The following MXRA8 variants were observed in gnomAD, a reference collection of about 807,000 sequenced individuals.
MXRA8 encodes the protein matrix remodeling associated 8, also known as matrix remodeling-associated protein 8.
In MXRA8, 44 loss-of-function variants were observed where a neutral mutation model predicts 51.4. The ratio of observed to expected loss-of-function variants is 0.86; its 90% confidence interval spans 0.67 to 1.10. The LOEUF (loss-of-function observed/expected upper bound fraction) is 1.10, where lower values mean the gene tolerates loss of function less well. MXRA8 is among the 50% of genes least tolerant of loss of function. The pLI is 0.00. For synonymous variants in MXRA8, 369 were observed against 293.5 expected (o/e 1.26, Z -2.63); for missense variants, 765 against 638.9 (o/e 1.20, Z -2.13).
Position 1,353,876 on chromosome 1 carries a change from C to T in MXRA8, c.1275G>A (p.Leu425=). 1 of 1,605,894 alleles carries T rather than the reference C, an allele frequency of 6.2e-7. No homozygotes were observed. The highest frequency in any genetic ancestry group is 1.1e-5 in the South Asian group (1 of 89,884). Residue 425 remains leucine, a synonymous_variant, in exon 9 of 10, where the codon CTG becomes CTA. Coordinates refer to ENST00000309212, the MANE Select transcript of MXRA8 (RefSeq NM_032348.4). ...TGTCTAGGTCGATGTACTTGGCAGG[C>T]AGGGGGCTGTGGGCCAGCTCCGCCC... ...KERAELAHSP[L]PAKYIDLDKG... is the part of the protein sequence containing the mutation.
chr1:1,354,571 GCCACGGCCCCCGCTGGGAT>G (rs1644078588), intron 5 of MXRA8, 62 bp from the exon 6 acceptor site: 1 of 1,576,696 alleles, frequency 6.3e-7, no homozygotes, highest in South Asian at 1.2e-5. Context: ...CCCGACCCGG[GCCACGGCCCCCGCTGGGAT>G]CCGCGGGCCT....
At chr1:1,361,282 A>G, upstream of MXRA8, 2 of 703,498 alleles carry the variant, frequency 2.8e-6, no homozygotes, top group South Asian at 1.5e-5. Flanking sequence ...GAAGAGTCCC[A>G]CTTCCTGTCG....
At chr1:1,356,456 G>A (rs1331263744) in intron 2 of MXRA8, among the ~76,000 whole-genome samples, 7 of 148,726 alleles carry the variant, frequency 4.7e-5, no homozygotes, top group African/African-American at 7.5e-5. Context: ...GTGGGTGTGC[G>A]GGAGTCTGTG....
upstream of MXRA8, chr1:1,359,594 C>T (rs1393161517): frequency 2.0e-6 from 2 of 984,808 alleles, no homozygotes; most frequent in Admixed American, 6.1e-5. Context: ...GTGCCCAAGT[C>T]CTCAGACAGT....
chr1:1,353,834 C>T lies in MXRA8; in HGVS notation c.1303+14G>A, dbSNP rs1438324905. The T allele has an allele frequency of 2.6e-6, 4 of 1,564,186 alleles. No homozygotes were observed. Among genetic ancestry groups the T allele is most frequent in the Non-Finnish European group, 3.5e-6 (4 of 1,153,870 alleles). On this transcript the variant is annotated intron_variant, in intron 9 of 9. Transcript: ENST00000309212. ...AGGGCTCTGAGATGGGCTGAGGTCG[C>T]CCCCGCCGCTCACCTTTGTCTAGGT...
chr1:1,355,186 C>A, intron 4 of MXRA8, 34 bp from the exon 5 acceptor site: 1 of 893,232 alleles, frequency 1.1e-6, no homozygotes, highest in Admixed American at 6.8e-5. Flanking sequence ...GCGCGCGGGC[C>A]GGGGCGGCGG....
At chr1:1,361,386 AC>A, upstream of MXRA8, 1 of 697,180 alleles carries the variant, frequency 1.4e-6, no homozygotes, top group South Asian at 1.5e-5. Context: ...GCCCTCTTGG[AC>A]CCCAGCCTCC....
rs1406345004 is a variant in MXRA8, at chr1:1,354,705, C to T, written c.926G>A (p.Ser309Asn). 1 of 1,593,940 alleles carries T rather than the reference C, an allele frequency of 6.3e-7. No homozygotes were observed. Among genetic ancestry groups the T allele is most frequent in the Admixed American group, 1.7e-5 (1 of 57,702 alleles). Residue 309 changes from serine to asparagine, a missense_variant, in exon 5 of 10, where the codon AGC becomes AAC. Ser to Asn is a conservative substitution (Grantham distance 46, BLOSUM62 1). Coordinates refer to ENST00000309212, the MANE Select transcript of MXRA8 (RefSeq NM_032348.4). The stretch of plus-strand genomic sequence containing the variant: ...ACCTGGGCCTGGGGCGCCGCTGTGG[C>T]TGGAGCCGTTGCCCGGAGAGCCCCG... ...PPRGSPGNGS[S>N]HSGAPGPDPT...
chr1:1,357,167 G>A (rs1644150018), intron 1 of MXRA8, among the ~76,000 whole-genome samples: 1 of 152,212 alleles, frequency 6.6e-6, no homozygotes, highest in African/African-American at 2.4e-5. Context: ...GCAGGGCAGA[G>A]GCCTGAAGGC....
chr1:1,358,423 C>T (rs376199016), intron 1 of MXRA8, 33 bp downstream of exon 1: 9 of 1,582,848 alleles, frequency 5.7e-6, no homozygotes, highest in Non-Finnish European at 7.7e-6. Context: ...CCACGTGCCA[C>T]CCCCCACCCG....
At chr1:1,358,753 TG>T (rs965284218), upstream of MXRA8, 332 of 1,320,510 alleles carry the variant, frequency 2.5e-4, no homozygotes, top group Non-Finnish European at 8.4e-5. Context: ...TGGGGAGGGG[TG>T]GTGACCGCAC....
At chr1:1,354,298 A>G in intron 6 of MXRA8, 56 bp downstream of exon 6, 1 of 1,597,148 alleles carries the variant, frequency 6.3e-7, no homozygotes, top group Non-Finnish European at 8.5e-7. Context: ...CCAGAGGACC[A>G]CCCTCCCGCC....
intron 2 of MXRA8, among the ~76,000 whole-genome samples, 159 bp downstream of exon 2, chr1:1,356,522 G>T (rs1359457208): frequency 2.7e-5 from 4 of 148,968 alleles, no homozygotes; most frequent in Non-Finnish European, 6.0e-5. Context: ...ATTGGGGGAG[G>T]GGGAGTTATT....
chr1:1,361,587 C>CTG (rs898240604), upstream of MXRA8: 6 of 458,626 alleles, frequency 1.3e-5, no homozygotes, highest in Admixed American at 3.5e-5. Context: ...GCCAGGGACC[C>CTG]TGTGTGTGTG....
intron 2 of MXRA8, among the ~76,000 whole-genome samples, chr1:1,356,309 TGGG>T (rs1209213255): frequency 1.2e-4 from 1 of 8,598 alleles, no homozygotes; most frequent in South Asian, 3.6e-3. Flanking sequence ...GGGGAGTCCA[TGGG>T]GGAGTGGTGG....
chr1:1,354,337 T>TG lies in MXRA8; in HGVS notation c.1105+16dup. ...CTCAGTCTCCTGGGGCCGCTGGCTT[T>TG]GCCGGGGCAGCCTCACCTCCGCGGC... On this transcript the variant is annotated intron_variant, in intron 6 of 9. Transcript: ENST00000309212. 6.2e-7 allele frequency: 1 copy of TG among 1,606,208 alleles called. No homozygotes were observed. The highest frequency in any genetic ancestry group is 1.1e-5 in the South Asian group (1 of 90,412).
chr1:1,362,794 A>ATT (rs1644236054), upstream of MXRA8, among the ~76,000 whole-genome samples: 1 of 150,862 alleles, frequency 6.6e-6, no homozygotes, highest in Non-Finnish European at 1.5e-5. Context: ...AAAAAAAAAA[A>ATT]AAAAAAGGGT....
At position 1,355,055 on chromosome 1, in the gene MXRA8, C is replaced by T. The variant is rs751919845; in HGVS notation, c.576G>A (p.Val192=). 3 of 1,605,366 alleles carry T rather than the reference C, an allele frequency of 1.9e-6. No homozygotes were observed. Among genetic ancestry groups the T allele is most frequent in the East Asian group, 4.5e-5 (2 of 44,400 alleles). ...ALLTCVNRGH[V]WTDRHVEEAQ... ...CCTCCTCCACGTGCCGGTCGGTCCA[C>T]ACGTGCCCGCGGTTCACGCAGGTCA... Residue 192 remains valine, a synonymous_variant, in exon 5 of 10, where the codon GTG becomes GTA. Coordinates refer to ENST00000309212, the MANE Select transcript of MXRA8 (RefSeq NM_032348.4).
chr1:1,362,160 G>A (rs943743228), upstream of MXRA8, among the ~76,000 whole-genome samples: 3 of 152,174 alleles, frequency 2.0e-5, no homozygotes, highest in Non-Finnish European at 4.4e-5. Flanking sequence ...AGGAGGCAGG[G>A]CTGTCTGTGG....
Sources: gnomAD v4.1 joint callset for allele counts (sites outside exome capture counted in the v4.1 genomes callset) on GRCh38, gnomAD v4.1.1 for gene constraint, MANE v1.5 for transcripts, NCBI Gene and HGNC (gene_info 2026-07-23, HGNC 2026-07-21) for gene names.